The following KPNA6 variants were observed in gnomAD, a reference collection of about 807,000 sequenced individuals.
KPNA6 encodes the protein karyopherin subunit alpha 6.
In KPNA6, 9 loss-of-function variants were observed where a neutral mutation model predicts 72.0. The ratio of observed to expected loss-of-function variants is 0.13; its 90% CI spans 0.08 to 0.22. The LOEUF is 0.22. Ranked by LOEUF, KPNA6 falls within the 10% of genes least tolerant of loss-of-function variation. The pLI is 1.00. For synonymous variants in KPNA6, 219 were observed against 242.1 expected, an observed-to-expected ratio of 0.90 and a Z score of 0.89; for missense variants, 374 against 655.7, an observed-to-expected ratio of 0.57 and a Z score of 4.69.
At chr1:32,166,746 G>A (rs1468098252) in intron 11 of KPNA6, among the ~76,000 whole-genome samples, 5 of 150,608 alleles carry the variant, frequency 3.3e-5, no homozygotes, top group African/African-American at 1.2e-4. Context: ...TGGCTAACGT[G>A]GTGAAACCAT....
At chr1:32,125,690 G>A (rs957541879) in intron 1 of KPNA6, among the ~76,000 whole-genome samples, 2 of 152,054 alleles carry the variant, frequency 1.3e-5, no homozygotes, top group African/African-American at 4.8e-5. Context: ...TTTGCCCTTT[G>A]GGTATGATAT....
In KPNA6 at chr1:32,124,032, CAAA is replaced by C. The variant is rs771086945; in HGVS notation, c.4+15919_4+15921del. Among the ~76,000 whole-genome samples the C allele has an allele frequency of 3.9e-4, 17 of 43,128 alleles. 1 individual carries two copies. In the East Asian group the frequency reaches 1.0e-2, roughly 25 times the overall value. The allele number at this position is 43,128 out of a possible 152,430, so 28.3% of individuals were successfully genotyped here. A position where few individuals can be genotyped will look rare whatever the true frequency, so the allele number is the denominator to read the frequency against. On this transcript the variant is annotated intron_variant, in intron 1 of 13. Coordinates refer to ENST00000373625, the MANE Select transcript of KPNA6 (RefSeq NM_012316.5). The stretch of plus-strand genomic sequence containing the variant: ...CTGGCGACAGAGCAAGACTCTGTCT[CAAA>C]AAAAAAAAAAAAAAAAAAAAGGAAT...
intron 1 of KPNA6, among the ~76,000 whole-genome samples, chr1:32,120,816 C>G (rs956608463): frequency 6.6e-6 from 1 of 150,802 alleles, no homozygotes; most frequent in Non-Finnish European, 1.5e-5. Flanking sequence ...GATCCTCCCT[C>G]TTTGGCCTCC....
intron 1 of KPNA6, among the ~76,000 whole-genome samples, chr1:32,136,179 C>CTTTTTTTTTT (rs1641732058): frequency 7.5e-6 from 1 of 132,594 alleles, no homozygotes; most frequent in African/African-American, 3.0e-5. Context: ...TCTAGCTTCT[C>CTTTTTTTTTT]TCTTTTTTTT....
At chr1:32,117,699 T>A (rs1325452569) in intron 1 of KPNA6, among the ~76,000 whole-genome samples, 1 of 152,044 alleles carries the variant, frequency 6.6e-6, no homozygotes, top group Non-Finnish European at 1.5e-5. Flanking sequence ...TGCCTGTACT[T>A]TATATATTCA....
chr1:32,109,186 GT>G lies in KPNA6; in HGVS notation c.4+1054del, dbSNP rs1641200225. Among the ~76,000 whole-genome samples, 7 of 152,222 alleles carry G rather than the reference GT, an allele frequency of 4.6e-5. No homozygotes were observed. In the South Asian group the frequency reaches 1.5e-3, roughly 32 times the overall value. ...TTTGTAACTGCTGTTTGTTGTTGTT[GT>G]TGATAGAGTCTTGCTCTGTCGCCCA... On this transcript the variant is annotated intron_variant, in intron 1 of 13. Transcript: ENST00000373625.
At chr1:32,149,042 T>C (rs1641983401) in intron 1 of KPNA6, among the ~76,000 whole-genome samples, 1 of 152,170 alleles carries the variant, frequency 6.6e-6, no homozygotes, top group Non-Finnish European at 1.5e-5. Flanking sequence ...TCTGTTCATT[T>C]TTCTTCATTC....
intron 1 of KPNA6, among the ~76,000 whole-genome samples, chr1:32,132,605 T>A (rs967365433): frequency 2.0e-5 from 3 of 152,098 alleles, no homozygotes; most frequent in African/African-American, 4.8e-5. Flanking sequence ...CATTTTATTT[T>A]AAAAATATGG....
At chr1:32,116,182 T>C (rs1641324723) in intron 1 of KPNA6, among the ~76,000 whole-genome samples, 1 of 149,770 alleles carries the variant, frequency 6.7e-6, no homozygotes, top group South Asian at 2.2e-4. Context: ...GTTTTTTCTT[T>C]TCTTTTCTTT....
intron 12 of KPNA6, among the ~76,000 whole-genome samples, chr1:32,167,765 G>C (rs561924973): frequency 7.1e-4 from 107 of 151,578 alleles, no homozygotes; most frequent in Non-Finnish European, 1.3e-3. Context: ...GAGATGGGAG[G>C]ATGGCTTGAG....
chr1:32,147,271 C>G (rs1641944908), intron 1 of KPNA6, among the ~76,000 whole-genome samples: 1 of 152,064 alleles, frequency 6.6e-6, no homozygotes, highest in Non-Finnish European at 1.5e-5. Context: ...GACGGTTTTT[C>G]TTTCAGCACT....
chr1:32,138,049 C>A (rs1310419840), intron 1 of KPNA6, among the ~76,000 whole-genome samples: 1 of 150,792 alleles, frequency 6.6e-6, no homozygotes, highest in Non-Finnish European at 1.5e-5. Flanking sequence ...GTAAGAGAAT[C>A]GCATCAACCC....
At chr1:32,148,920 T>TG in intron 1 of KPNA6, among the ~76,000 whole-genome samples, 1 of 152,158 alleles carries the variant, frequency 6.6e-6, no homozygotes, top group African/African-American at 2.4e-5. Flanking sequence ...TCTCAAACTG[T>TG]GGGCTCAAGC....
rs540724288 is a variant in KPNA6, at chr1:32,110,312, GTCTCGGCCTCCCAAAGTGCTGGGAT to G, written c.4+2180_4+2204del. Among the ~76,000 whole-genome samples, 238 of 151,992 alleles carry G rather than the reference GTCTCGGCCTCCCAAAGTGCTGGGAT, an allele frequency of 1.6e-3. 1 individual carries two copies. Among genetic ancestry groups the G allele is most frequent in the African/African-American group, 5.4e-3 (223 of 41,488 alleles). On this transcript the variant is annotated intron_variant, in intron 1 of 13. Transcript: ENST00000373625. ...ACTCCTGACCTCTGGTGATCTGCCC[GTCTCGGCCTCCCAAAGTGCTGGGAT>G]TACAGGCATGAGCCACCGCGCCTGG...
chr1:32,160,936 C>T (rs1642227097), intron 7 of KPNA6, among the ~76,000 whole-genome samples: 1 of 152,130 alleles, frequency 6.6e-6, no homozygotes, highest in Non-Finnish European at 1.5e-5. Context: ...GCAGGTGGAT[C>T]CCTTGAGCCT....
At chr1:32,118,862 TA>T (rs1480801539) in intron 1 of KPNA6, among the ~76,000 whole-genome samples, 2 of 151,382 alleles carry the variant, frequency 1.3e-5, no homozygotes, top group Non-Finnish European at 2.9e-5. Context: ...GTAATGCCTG[TA>T]AAGCATTTTA....
chr1:32,147,767 C>T (rs1465461620), intron 1 of KPNA6, among the ~76,000 whole-genome samples: 2 of 148,646 alleles, frequency 1.3e-5, no homozygotes, highest in Non-Finnish European at 1.5e-5. Context: ...TCTGGTGATC[C>T]TTCCACCTCG....
At chr1:32,161,922 G>C in intron 7 of KPNA6, 25 bp from the exon 8 acceptor site, 1 of 1,588,456 alleles carries the variant, frequency 6.3e-7, no homozygotes, top group East Asian at 2.2e-5. Flanking sequence ...CAGTGCTCAG[G>C]ATCTGGCTTT....
At chr1:32,114,834 A>T (rs926699524) in intron 1 of KPNA6, among the ~76,000 whole-genome samples, 8 of 152,158 alleles carry the variant, frequency 5.3e-5, no homozygotes, top group Non-Finnish European at 2.9e-5. Flanking sequence ...GCATCAGCAC[A>T]TGCTGCTTCA....
Sources: allele counts gnomAD v4.1 joint callset (sites outside exome capture counted in the v4.1 genomes callset), GRCh38; gene constraint gnomAD v4.1.1; transcripts MANE v1.5; gene names NCBI Gene and HGNC (gene_info 2026-07-23, HGNC 2026-07-21).